The following CC2D2A variants were observed in gnomAD, a reference collection of about 807,000 sequenced individuals.
CC2D2A encodes the protein coiled-coil and C2 domain containing 2A.
CC2D2A carries 155 observed loss-of-function variants against 212.9 expected under a neutral mutation model. The ratio of observed to expected loss-of-function variants is 0.73; its 90% CI spans 0.64 to 0.83. CC2D2A has a LOEUF of 0.83. Among genes scored for constraint, CC2D2A ranks in the 40% least tolerant of loss-of-function variants. CC2D2A has a pLI of 0.00. For synonymous variants in CC2D2A, 667 were observed against 686.5 expected (o/e 0.97, Z 0.44); for missense variants, 1,856 against 1,956.2 (o/e 0.95, Z 0.97).
Position 15,589,609 on chromosome 4 carries a change from G to T in CC2D2A, c.4244G>T (p.Gly1415Val), listed in dbSNP as rs771657471. 1.2e-6 allele frequency: 2 copies of T among 1,612,548 alleles called. No individual in the cohort carries two copies. Among genetic ancestry groups the T allele is most frequent in the Admixed American group, 3.3e-5 (2 of 59,906 alleles). Residue 1415 changes from glycine (G) to valine (V), a missense_variant, in exon 33 of 37, where the codon GGA becomes GTA. Gly to Val is a moderately radical substitution (Grantham distance 109). Around this residue, in one of 5 missense-constraint regions of CC2D2A, gnomAD observed 285 missense variants for 278.4 expected, o/e 1.02. Transcript: ENST00000424120. ...GRYLIWNPCSGHFYGQFDTFC... is the reference protein window; with the variant it reads ...GRYLIWNPCSVHFYGQFDTFC... ...TATTTAATATGGAATCCCTGCAGTG[G>T]ACATTTTTATGGACAATTTGATACA... is the stretch of plus-strand genomic sequence containing the variant.
chr4:15,536,845 A>G lies in CC2D2A; in HGVS notation c.1608-75A>G, dbSNP rs903748882. Reference sequence around the variant, plus strand: ...GGAACTGGCACATAGCAAGTCCAATATAAGTATTTGCTGTTATTATTGCTC... The same window carrying G: ...GGAACTGGCACATAGCAAGTCCAATGTAAGTATTTGCTGTTATTATTGCTC... On this transcript the variant is annotated intron_variant, in intron 14 of 36. Transcript: ENST00000424120. 8 of 1,383,856 alleles carry G rather than the reference A, an allele frequency of 5.8e-6. No homozygotes were observed. In the East Asian group the frequency reaches 1.2e-4, roughly 20 times the overall value. The allele number at this position is 1,383,856 out of a possible 1,614,324, so 85.7% of individuals were successfully genotyped here.
intron 27 of CC2D2A, among the ~76,000 whole-genome samples, chr4:15,570,096 G>C (rs1161753286): frequency 6.6e-6 from 1 of 152,160 alleles, no homozygotes; most frequent in Non-Finnish European, 1.5e-5. Flanking sequence ...ATTTTCACTT[G>C]ACTGTCTGCA....
At position 15,601,519 on chromosome 4, in the gene CC2D2A, T is replaced by C. The variant is rs1296848672; in HGVS notation, c.*94T>C. ...TGCATCACATCAGAAGAACATATTA[T>C]TGGCAAATAATAAAATTATCAACTG... On this transcript the variant is annotated 3_prime_UTR_variant, in exon 37 of 37. Transcript: ENST00000424120. 1.6e-5 allele frequency: 12 copies of C among 752,304 alleles called. No homozygotes were observed. The highest frequency in any genetic ancestry group is 4.0e-4 in the Middle Eastern group (1 of 2,514). 46.6% of individuals were successfully genotyped at this position (752,304 alleles called of 1,614,324 possible).
intron 7 of CC2D2A, 83 bp downstream of exon 7, chr4:15,510,323 T>C: frequency 1.6e-6 from 2 of 1,250,496 alleles, no homozygotes; most frequent in South Asian, 2.6e-5. Context: ...AGGCCGGGTG[T>C]GGTGGCTCAC....
intron 34 of CC2D2A, among the ~76,000 whole-genome samples, chr4:15,597,131 A>G (rs1370075945): frequency 1.3e-5 from 2 of 152,200 alleles, no homozygotes; most frequent in Non-Finnish European, 2.9e-5. Flanking sequence ...GAAAGTGCCT[A>G]GCACACAGCA....
intron 17 of CC2D2A, among the ~76,000 whole-genome samples, chr4:15,543,158 A>G (rs978357180): frequency 4.6e-5 from 7 of 152,200 alleles, no homozygotes; most frequent in African/African-American, 1.7e-4. Flanking sequence ...AGCACCAAGC[A>G]TCAAGACTCA....
chr4:15,531,142 A>G (rs1717826639), intron 13 of CC2D2A, among the ~76,000 whole-genome samples: 1 of 152,038 alleles, frequency 6.6e-6, no homozygotes, highest in Non-Finnish European at 1.5e-5. Context: ...TATTCATACT[A>G]TCTCCGCTCT....
At chr4:15,532,055 C>T (rs948345436) in intron 13 of CC2D2A, among the ~76,000 whole-genome samples, 1 of 152,132 alleles carries the variant, frequency 6.6e-6, no homozygotes, top group African/African-American at 2.4e-5. Context: ...AGATGTGAGC[C>T]AGCAAAGGGA....
At chr4:15,572,607 C>A (rs545215191) in intron 28 of CC2D2A, among the ~76,000 whole-genome samples, 1 of 151,354 alleles carries the variant, frequency 6.6e-6, no homozygotes, top group Non-Finnish European at 1.5e-5. Context: ...ACAGGACAGA[C>A]CTCCATAGCA....
At chr4:15,496,108 T>C (rs1409318673) in intron 4 of CC2D2A, among the ~76,000 whole-genome samples, 1 of 152,238 alleles carries the variant, frequency 6.6e-6, no homozygotes, top group Admixed American at 6.5e-5. Flanking sequence ...TTGAATTAAG[T>C]TCCTTATAGG....
chr4:15,576,552 C>T, intron 29 of CC2D2A: 1 of 164,172 alleles, frequency 6.1e-6, no homozygotes, highest in Non-Finnish European at 1.3e-5. Context: ...ATCTCTGTTA[C>T]TAAAGCCTGC....
chr4:15,470,059 T>TA lies in CC2D2A; in HGVS notation c.-19+5dup, dbSNP rs1324124097. The TA allele has an allele frequency of 3.9e-5, 6 of 152,212 alleles. No individual in the cohort carries two copies. The allele number at this position is 152,212 out of a possible 1,614,324, so 9.4% of individuals were successfully genotyped here. The stretch of plus-strand genomic sequence containing the variant: ...GTGCCTTTTGTAAAGTTTCTTAAGG[T>TA]AAATCAGTCCCTAACCGGACTTTAG... On this transcript the variant is annotated splice_region_variant and intron_variant, in intron 1 of 36. Transcript: ENST00000424120.
intron 11 of CC2D2A, among the ~76,000 whole-genome samples, chr4:15,527,159 T>C (rs1322199496): frequency 1.3e-5 from 2 of 152,194 alleles, no homozygotes; most frequent in South Asian, 2.1e-4. Context: ...GTAGTCTGCA[T>C]GAAAAAGATT....
At chr4:15,510,101 T>C in intron 6 of CC2D2A, 38 bp from the exon 7 acceptor site, 3 of 1,504,700 alleles carry the variant, frequency 2.0e-6, no homozygotes, top group Non-Finnish European at 1.8e-6. Context: ...GTTTCTTGGG[T>C]TAAATGGTTT....
chr4:15,512,901 G>A (rs1210581275), intron 8 of CC2D2A, among the ~76,000 whole-genome samples: 6 of 150,914 alleles, frequency 4.0e-5, no homozygotes, highest in Admixed American at 6.6e-5. Flanking sequence ...GCAGTGAGCC[G>A]AGATTGCGCT....
chr4:15,599,347 A>G (rs1377166880), intron 35 of CC2D2A, among the ~76,000 whole-genome samples, 182 bp from the exon 36 acceptor site: 1 of 152,142 alleles, frequency 6.6e-6, no homozygotes, highest in African/African-American at 2.4e-5. Flanking sequence ...ACAGGACTGC[A>G]TGTTAATTTT....
chr4:15,546,520 C>A (rs961082552), intron 17 of CC2D2A, among the ~76,000 whole-genome samples: 12 of 152,188 alleles, frequency 7.9e-5, no homozygotes, highest in African/African-American at 2.7e-4. Context: ...CTTCTCAGGG[C>A]CTTTCCTAAT....
At chr4:15,520,283 G>A (rs1006128556) in intron 11 of CC2D2A, among the ~76,000 whole-genome samples, 10 of 152,170 alleles carry the variant, frequency 6.6e-5, no homozygotes, top group African/African-American at 2.2e-4. Flanking sequence ...ACTTTGTACA[G>A]AAATGTGATC....
At chr4:15,524,652 C>T (rs186881170) in intron 11 of CC2D2A, among the ~76,000 whole-genome samples, 79 of 151,636 alleles carry the variant, frequency 5.2e-4, no homozygotes, top group East Asian at 2.7e-3. Context: ...GGGGTTTCAC[C>T]GTGTTAGCCA....
Sources: allele counts gnomAD v4.1 joint callset (sites outside exome capture counted in the v4.1 genomes callset), GRCh38; gene constraint gnomAD v4.1.1; regional missense constraint gnomAD v4.1.1; transcripts MANE v1.5; gene names NCBI Gene and HGNC (gene_info 2026-07-23, HGNC 2026-07-21).